Variants in TBCK observed in about 807,000 individuals in gnomAD.
TBCK encodes the protein TBC domain-containing protein kinase-like protein.
In TBCK, 99 loss-of-function variants were observed where a neutral mutation model predicts 113.4. The ratio of observed to expected loss-of-function variants is 0.87; its 90% CI spans 0.74 to 1.03. The LOEUF (loss-of-function observed/expected upper bound fraction) is 1.03. Ranked by LOEUF, TBCK falls within the 50% of genes least tolerant of loss-of-function variation. The probability of loss-of-function intolerance (pLI) is 0.00; values close to 1 mark genes in which losing one functional copy is unlikely to be tolerated. For missense variants in TBCK, 1,045 were observed against 1,061.3 expected (o/e 0.98, Z 0.21); for synonymous variants, 369 against 370.8 (o/e 1.00, Z 0.05).
intron 25 of TBCK, among the ~76,000 whole-genome samples, chr4:106,068,891 C>T (rs1177669389): frequency 6.6e-6 from 1 of 152,168 alleles, no homozygotes; most frequent in Non-Finnish European, 1.5e-5. Context: ...TTTCTGATGA[C>T]CAGTGATCAT....
At chr4:106,090,624 T>C (rs892872084) in intron 25 of TBCK, among the ~76,000 whole-genome samples, 1 of 152,166 alleles carries the variant, frequency 6.6e-6, no homozygotes, top group South Asian at 2.1e-4. Context: ...TTTGCTTCCA[T>C]ATATGACTTA....
chr4:106,081,962 G>A (rs1333282384), intron 25 of TBCK, among the ~76,000 whole-genome samples: 1 of 152,150 alleles, frequency 6.6e-6, no homozygotes, highest in Non-Finnish European at 1.5e-5. Flanking sequence ...AAGAAATGCT[G>A]GTGAGGTTGC....
intron 23 of TBCK, among the ~76,000 whole-genome samples, chr4:106,118,508 G>C (rs1473522873): frequency 6.6e-6 from 1 of 152,110 alleles, no homozygotes; most frequent in Non-Finnish European, 1.5e-5. Context: ...AAAGATTAAA[G>C]GGTTTTGAAA....
chr4:106,285,927 C>A (rs1261012161), intron 3 of TBCK, among the ~76,000 whole-genome samples: 1 of 152,178 alleles, frequency 6.6e-6, no homozygotes, highest in Non-Finnish European at 1.5e-5. Flanking sequence ...TACACATATA[C>A]CTGCTCTGTT....
chr4:106,205,143 AT>A (rs1755324976), intron 20 of TBCK, among the ~76,000 whole-genome samples: 1 of 152,184 alleles, frequency 6.6e-6, no homozygotes, highest in South Asian at 2.1e-4. Context: ...GAAGATTAAA[AT>A]TTTGGAAAGC....
At chr4:106,244,095 G>C (rs1488118910) in intron 11 of TBCK, among the ~76,000 whole-genome samples, 3 of 152,162 alleles carry the variant, frequency 2.0e-5, no homozygotes, top group Non-Finnish European at 4.4e-5. Flanking sequence ...CAAGGCTGTA[G>C]AGGTATTTAA....
chr4:106,050,548 ATC>A (rs1734690251), intron 25 of TBCK, among the ~76,000 whole-genome samples: 1 of 152,052 alleles, frequency 6.6e-6, no homozygotes, highest in South Asian at 2.1e-4. Context: ...GACTAGAAAA[ATC>A]TCTAACTCTT....
At chr4:106,116,872 T>G (rs765419567) in intron 23 of TBCK, among the ~76,000 whole-genome samples, 2 of 152,090 alleles carry the variant, frequency 1.3e-5, no homozygotes, top group African/African-American at 4.8e-5. Flanking sequence ...TGATTCTAGC[T>G]TATGGTAAGT....
At chr4:106,212,934 T>A in intron 19 of TBCK, 99 bp from the exon 20 acceptor site, 3 of 770,498 alleles carry the variant, frequency 3.9e-6, no homozygotes, top group Non-Finnish European at 6.4e-6. Flanking sequence ...TGAGATTTAA[T>A]TTCTCCATGA....
At chr4:106,048,764 A>G (rs1391317668) in intron 25 of TBCK, among the ~76,000 whole-genome samples, 3 of 152,186 alleles carry the variant, frequency 2.0e-5, no homozygotes, top group Non-Finnish European at 4.4e-5. Context: ...AGGACTGTAC[A>G]TGCAACTAAT....
chr4:106,302,703 G>A (rs1767074324), intron 2 of TBCK, among the ~76,000 whole-genome samples: 1 of 152,132 alleles, frequency 6.6e-6, no homozygotes, highest in Non-Finnish European at 1.5e-5. Flanking sequence ...CTACTGTACT[G>A]TCAACCAAAG....
At chr4:106,257,631 G>C (rs751234252) in intron 5 of TBCK, among the ~76,000 whole-genome samples, 3 of 152,032 alleles carry the variant, frequency 2.0e-5, no homozygotes, top group Admixed American at 1.3e-4. Context: ...AATTCGTATT[G>C]TGTTATTTTA....
upstream of TBCK, chr4:106,316,338 G>A (rs578122661): frequency 5.2e-6 from 3 of 576,692 alleles, no homozygotes; most frequent in African/African-American, 3.7e-5. Context: ...TAGCGAGAGA[G>A]AAAGAGGTGC....
chr4:106,250,705 G>A (rs905129899), intron 6 of TBCK, among the ~76,000 whole-genome samples: 6 of 151,726 alleles, frequency 4.0e-5, no homozygotes, highest in Non-Finnish European at 8.8e-5. Context: ...TACATCTAAG[G>A]GTCATTACAT....
intron 22 of TBCK, among the ~76,000 whole-genome samples, chr4:106,182,963 G>A (rs749677156): frequency 3.9e-5 from 6 of 151,984 alleles, no homozygotes; most frequent in Non-Finnish European, 7.4e-5. Flanking sequence ...ACTGATCCAC[G>A]TTTAAGGACT....
intron 22 of TBCK, among the ~76,000 whole-genome samples, chr4:106,177,016 G>A (rs1464565440): frequency 6.7e-6 from 1 of 149,426 alleles, no homozygotes; most frequent in Admixed American, 6.7e-5. Context: ...AGAGTGTAAT[G>A]ACTACAGACA....
intron 23 of TBCK, among the ~76,000 whole-genome samples, chr4:106,123,560 G>A (rs929069905): frequency 1.1e-4 from 17 of 152,162 alleles, no homozygotes; most frequent in East Asian, 3.9e-4. Flanking sequence ...AGCCCACATC[G>A]CCAAGGCAAT....
At chr4:106,204,422 A>T (rs1755219652) in intron 20 of TBCK, among the ~76,000 whole-genome samples, 4 of 152,198 alleles carry the variant, frequency 2.6e-5, no homozygotes, top group Non-Finnish European at 5.9e-5. Context: ...TATTTTTGTA[A>T]TAATACTAAG....
intron 20 of TBCK, among the ~76,000 whole-genome samples, chr4:106,210,200 A>C (rs750072852): frequency 6.6e-6 from 1 of 152,180 alleles, no homozygotes; most frequent in Admixed American, 6.5e-5. Flanking sequence ...TAGAAGAAAA[A>C]GACAGGCTCT....
Sources: gnomAD v4.1 joint callset for allele counts (sites outside exome capture counted in the v4.1 genomes callset) on GRCh38, gnomAD v4.1.1 for gene constraint, MANE v1.5 for transcripts, NCBI Gene and HGNC (gene_info 2026-07-23, HGNC 2026-07-21) for gene names.